The following PREX1 variants were observed in gnomAD, a reference collection of about 807,000 sequenced individuals.
The protein encoded by PREX1 is phosphatidylinositol 3,4,5-trisphosphate-dependent Rac exchanger 1 protein.
Under a neutral mutation model 198.3 loss-of-function variants are expected in PREX1, and 41 were observed. The observed-to-expected ratio is 0.21, with a 90% CI of 0.16 to 0.27. The LOEUF is 0.27. Ranked by LOEUF, PREX1 falls within the 10% of genes least tolerant of loss-of-function variation. The pLI, the probability that PREX1 is intolerant of heterozygous loss-of-function variation, is 1.00. For synonymous variants in PREX1, 843 were observed against 887.2 expected (o/e 0.95, Z 0.89); for missense variants, 1,620 against 2,200.7 (o/e 0.74, Z 5.28).
chr20:48,667,002 C>T (rs1295818967), intron 14 of PREX1, among the ~76,000 whole-genome samples: 3 of 152,188 alleles, frequency 2.0e-5, no homozygotes, highest in African/African-American at 7.2e-5. Flanking sequence ...CTTGCAGCTA[C>T]AGGTGGCCAA....
At chr20:48,735,938 C>A (rs1601104293) in intron 3 of PREX1, among the ~76,000 whole-genome samples, 1 of 152,106 alleles carries the variant, frequency 6.6e-6, no homozygotes, top group Non-Finnish European at 1.5e-5. Context: ...AAGGGCACTA[C>A]ACCAGAATAC....
In PREX1 at chr20:48,683,418, C is replaced by A. The variant is rs181085653; in HGVS notation, c.1335-2083G>T. 1.5e-3 allele frequency among the ~76,000 whole-genome samples: 234 copies of A among 152,364 alleles called. 1 individual carries two copies. Among genetic ancestry groups the A allele is most frequent in the African/African-American group, 5.3e-3 (222 of 41,584 alleles). On this transcript the variant is annotated intron_variant, in intron 10 of 39. Transcript: ENST00000371941. Reference sequence around the variant, plus strand: ...GGCAAAGCTGGGCGGGTCCCTGTGCCTCTCTGGGCCTCATCAGGGCCCACC... The same window carrying A: ...GGCAAAGCTGGGCGGGTCCCTGTGCATCTCTGGGCCTCATCAGGGCCCACC...
chr20:48,776,644 T>G (rs2090263794), intron 1 of PREX1, among the ~76,000 whole-genome samples: 1 of 152,230 alleles, frequency 6.6e-6, no homozygotes, highest in South Asian at 2.1e-4. Flanking sequence ...TACTTTGCTC[T>G]CTGCCTGGAA....
chr20:48,787,491 CA>C (rs2090318693), intron 1 of PREX1, among the ~76,000 whole-genome samples: 1 of 151,902 alleles, frequency 6.6e-6, no homozygotes, highest in Admixed American at 6.5e-5. Context: ...CCGGGGTCCA[CA>C]AGAGAATGTT....
intron 1 of PREX1, among the ~76,000 whole-genome samples, chr20:48,777,777 G>C (rs754157498): frequency 3.3e-5 from 5 of 152,232 alleles, no homozygotes; most frequent in African/African-American, 1.2e-4. Flanking sequence ...GACCTGCGGA[G>C]AGGCTGTGGA....
the PREX1 span, among the ~76,000 whole-genome samples, chr20:48,853,909 A>T: frequency 6.6e-6 from 1 of 152,194 alleles, no homozygotes; most frequent in Non-Finnish European, 1.5e-5. Context: ...ATACACATGA[A>T]AAGACTCATT....
the PREX1 span, among the ~76,000 whole-genome samples, chr20:48,860,802 T>G: frequency 6.7e-6 from 1 of 149,468 alleles, no homozygotes; most frequent in East Asian, 2.0e-4. Context: ...ACCACTGCAC[T>G]CTGGCTGGGC....
At chr20:48,829,833 G>A (rs2090532805), upstream of PREX1, among the ~76,000 whole-genome samples, 1 of 152,164 alleles carries the variant, frequency 6.6e-6, no homozygotes. Flanking sequence ...AACTGGCAGG[G>A]TAACCTTGGC....
At chr20:48,756,365 T>G (rs1268321375) in intron 1 of PREX1, among the ~76,000 whole-genome samples, 1 of 152,190 alleles carries the variant, frequency 6.6e-6, no homozygotes, top group Non-Finnish European at 1.5e-5. Context: ...CAACTGAGGC[T>G]TTCCCAAAAG....
the PREX1 span, among the ~76,000 whole-genome samples, chr20:48,883,523 G>A: frequency 1.2e-3 from 189 of 152,070 alleles, 4 homozygotes; most frequent in South Asian, 0.022. Context: ...AAAATTGTTA[G>A]AATTAATAAA....
chr20:48,850,050 C>T, the PREX1 span, among the ~76,000 whole-genome samples: 3,971 of 152,220 alleles, frequency 0.026, 198 homozygotes, highest in African/African-American at 0.091. Context: ...ATAGTAACCT[C>T]CAAGGGTTGT....
At chr20:48,648,066 C>A (rs929495875) in intron 25 of PREX1, among the ~76,000 whole-genome samples, 1 of 152,062 alleles carries the variant, frequency 6.6e-6, no homozygotes, top group African/African-American at 2.4e-5. Flanking sequence ...TCACGCCTGG[C>A]TAATTTTAGG....
chr20:48,812,684 C>T (rs1383127602), intron 1 of PREX1, among the ~76,000 whole-genome samples: 1 of 152,172 alleles, frequency 6.6e-6, no homozygotes, highest in Non-Finnish European at 1.5e-5. Flanking sequence ...GAAGAGGGCA[C>T]TATTTTAGGA....
chr20:48,642,118 A>G (rs2122864065), intron 29 of PREX1, 50 bp downstream of exon 29: 1 of 1,575,792 alleles, frequency 6.3e-7, no homozygotes, highest in East Asian at 2.2e-5. Flanking sequence ...CGCCCTGTCT[A>G]ACACCCTTCC....
At position 48,682,419 on chromosome 20, in the gene PREX1, C is replaced by T. The variant is rs557496238; in HGVS notation, c.1335-1084G>A. On this transcript the variant is annotated intron_variant, in intron 10 of 39. Transcript: ENST00000371941. The stretch of plus-strand genomic sequence containing the variant: ...TGGTCTTGTTTACAGATTTATTTTA[C>T]GTATTTATTGGCCATCTCCCCCAAC... 3.3e-5 allele frequency among the ~76,000 whole-genome samples: 5 copies of T among 152,256 alleles called. No homozygotes were observed. The South Asian group carries it at 8.3e-4, about 25-fold the overall frequency.
At chr20:48,747,922 A>G in intron 1 of PREX1, 42 bp from the exon 2 acceptor site, 2 of 1,560,592 alleles carry the variant, frequency 1.3e-6, no homozygotes, top group Non-Finnish European at 8.8e-7. Flanking sequence ...CCGCGTCTCC[A>G]GCTCTCCCAT....
intron 1 of PREX1, among the ~76,000 whole-genome samples, chr20:48,757,588 G>A (rs1484906808): frequency 1.3e-5 from 2 of 152,166 alleles, no homozygotes; most frequent in African/African-American, 2.4e-5. Context: ...CTTGCAAGTC[G>A]CTGACATGAG....
At chr20:48,812,599 A>C (rs968750729) in intron 1 of PREX1, among the ~76,000 whole-genome samples, 3 of 152,118 alleles carry the variant, frequency 2.0e-5, no homozygotes, top group Admixed American at 2.0e-4. Context: ...ATATATATGG[A>C]ATGCTTACTA....
intron 15 of PREX1, among the ~76,000 whole-genome samples, chr20:48,662,925 T>C (rs2122951277): frequency 6.6e-6 from 1 of 152,272 alleles, no homozygotes; most frequent in Middle Eastern, 3.4e-3. Context: ...GGAGGACCCC[T>C]AATTACCCTC....
Sources: gnomAD v4.1 joint callset for allele counts (sites outside exome capture counted in the v4.1 genomes callset) on GRCh38, gnomAD v4.1.1 for gene constraint, MANE v1.5 for transcripts, NCBI Gene and HGNC (gene_info 2026-07-23, HGNC 2026-07-21) for gene names.